Variants in NCKAP1 observed in about 807,000 individuals in gnomAD.
The protein encoded by NCKAP1 is nck-associated protein 1.
A neutral mutation model predicts 151.2 loss-of-function variants in NCKAP1; 21 were observed. The ratio of observed to expected loss-of-function variants is 0.14; its 90% CI spans 0.10 to 0.20. NCKAP1 has a LOEUF of 0.20. NCKAP1 is among the 10% of genes least tolerant of loss of function. The pLI is 1.00. For missense variants in NCKAP1, 933 were observed against 1,352.1 expected (o/e 0.69, Z 4.86); for synonymous variants, 484 against 451.8 (o/e 1.07, Z -0.90).
At chr2:182,930,398 C>T (rs1696738609) in intron 27 of NCKAP1, among the ~76,000 whole-genome samples, 1 of 151,800 alleles carries the variant, frequency 6.6e-6, no homozygotes, top group African/African-American at 2.4e-5. Flanking sequence ...CGTGGTTTTT[C>T]CTTTTCTCCC....
At chr2:182,992,285 G>A (rs1443043228) in intron 8 of NCKAP1, among the ~76,000 whole-genome samples, 1 of 152,168 alleles carries the variant, frequency 6.6e-6, no homozygotes, top group African/African-American at 2.4e-5. Flanking sequence ...TCTACTCAGG[G>A]TTCAAATACA....
At chr2:182,972,431 C>T (rs772719174) in intron 15 of NCKAP1, among the ~76,000 whole-genome samples, 1 of 151,968 alleles carries the variant, frequency 6.6e-6, no homozygotes, top group Non-Finnish European at 1.5e-5. Context: ...TAAATGCTAA[C>T]GAGGATGTGG....
intron 6 of NCKAP1, among the ~76,000 whole-genome samples, chr2:182,998,834 CAAAA>C (rs1160835228): frequency 4.5e-5 from 2 of 44,512 alleles, no homozygotes; most frequent in Non-Finnish European, 8.6e-5. Flanking sequence ...AAGACTCCAA[CAAAA>C]AAAAAAAAAA....
chr2:182,998,186 C>T (rs1698306561), intron 6 of NCKAP1, among the ~76,000 whole-genome samples: 1 of 152,192 alleles, frequency 6.6e-6, no homozygotes, highest in African/African-American at 2.4e-5. Flanking sequence ...TCAAAATAAG[C>T]AGTGCCATCT....
At chr2:182,960,071 G>A (rs909210690) in intron 18 of NCKAP1, among the ~76,000 whole-genome samples, 1 of 152,166 alleles carries the variant, frequency 6.6e-6, no homozygotes, top group Non-Finnish European at 1.5e-5. Context: ...ACTGCTCAAT[G>A]AAATAAAAGA....
chr2:182,931,656 C>CA (rs886317681), intron 26 of NCKAP1, among the ~76,000 whole-genome samples: 5 of 151,988 alleles, frequency 3.3e-5, no homozygotes, highest in African/African-American at 1.2e-4. Context: ...AACAAACCCC[C>CA]AAAAACAGAT....
intron 24 of NCKAP1, among the ~76,000 whole-genome samples, chr2:182,936,352 C>T (rs562029416): frequency 6.6e-5 from 10 of 152,172 alleles, no homozygotes; most frequent in South Asian, 4.1e-4. Context: ...ATTTATTGCA[C>T]GCCATATACA....
chr2:183,021,944 T>C (rs62190102), intron 2 of NCKAP1, among the ~76,000 whole-genome samples: 34,784 of 152,138 alleles, frequency 0.23, 5,011 homozygotes, highest in Admixed American at 0.32. Flanking sequence ...TTATATGGTA[T>C]GTGAATTATA....
At chr2:183,014,739 G>A (rs1250763433) in intron 2 of NCKAP1, among the ~76,000 whole-genome samples, 2 of 152,170 alleles carry the variant, frequency 1.3e-5, no homozygotes, top group East Asian at 3.8e-4. Flanking sequence ...AGGTAGTACT[G>A]AACCTGCCAT....
intron 6 of NCKAP1, among the ~76,000 whole-genome samples, chr2:183,000,180 A>C (rs12992059): frequency 0.16 from 23,914 of 152,170 alleles, 3,521 homozygotes; most frequent in African/African-American, 0.39. Context: ...CAAATAAAAA[A>C]TAGTGTTTTA....
chr2:182,989,876 G>A (rs1698132897), intron 8 of NCKAP1, among the ~76,000 whole-genome samples: 1 of 151,894 alleles, frequency 6.6e-6, no homozygotes, highest in Non-Finnish European at 1.5e-5. Context: ...GGTGCGCCCA[G>A]CTATTCAGGA....
intron 7 of NCKAP1, 58 bp from the exon 8 acceptor site, chr2:182,994,945 T>C (rs1575054244): frequency 3.7e-6 from 5 of 1,352,670 alleles, no homozygotes; most frequent in South Asian, 2.4e-5. Flanking sequence ...ATATTCCATA[T>C]TGAGCCACTC....
intron 8 of NCKAP1, among the ~76,000 whole-genome samples, chr2:182,993,966 C>A (rs1055666980): frequency 2.0e-5 from 3 of 152,142 alleles, no homozygotes; most frequent in African/African-American, 7.2e-5. Context: ...GGTGTTCACT[C>A]TACAATTATT....
chr2:182,961,221 C>A (rs1697442987), intron 18 of NCKAP1, among the ~76,000 whole-genome samples: 1 of 152,150 alleles, frequency 6.6e-6, no homozygotes. Context: ...ACCCAGCCAT[C>A]CCATTACTGG....
intron 23 of NCKAP1, among the ~76,000 whole-genome samples, chr2:182,949,697 G>C (rs1395560949): frequency 1.3e-5 from 2 of 152,170 alleles, no homozygotes; most frequent in Non-Finnish European, 2.9e-5. Context: ...AGGAGGCTGA[G>C]GTGACAGAAT....
chr2:182,960,244 A>G (rs1386928008), intron 18 of NCKAP1, among the ~76,000 whole-genome samples: 3 of 152,234 alleles, frequency 2.0e-5, no homozygotes, highest in Non-Finnish European at 4.4e-5. Context: ...TAAAGTTCAT[A>G]TGGAACCAAA....
chr2:182,973,924 A>T (rs1697750723), intron 15 of NCKAP1, among the ~76,000 whole-genome samples: 1 of 152,142 alleles, frequency 6.6e-6, no homozygotes, highest in Admixed American at 6.5e-5. Context: ...TCTGTCTATG[A>T]CATCTCTTAA....
chr2:182,929,243 A>G (rs1347649685), intron 27 of NCKAP1, among the ~76,000 whole-genome samples: 1 of 152,006 alleles, frequency 6.6e-6, no homozygotes, highest in Non-Finnish European at 1.5e-5. Context: ...TTGAAAACTA[A>G]TGAGGAATTA....
chr2:182,928,359 G>T, intron 28 of NCKAP1, 133 bp from the exon 29 acceptor site: 1 of 597,966 alleles, frequency 1.7e-6, no homozygotes. Flanking sequence ...GACCGGACTT[G>T]CTCTCCTTTG....
Sources: allele counts gnomAD v4.1 joint callset (sites outside exome capture counted in the v4.1 genomes callset), GRCh38; gene constraint gnomAD v4.1.1; transcripts MANE v1.5; gene names NCBI Gene and HGNC (gene_info 2026-07-23, HGNC 2026-07-21).